SEL1L2: variants seen among roughly 807,000 people sequenced by gnomAD.
SEL1L2 encodes the protein protein sel-1 homolog 2.
In SEL1L2, 89 loss-of-function variants were observed where a neutral mutation model predicts 98.8. The ratio of observed to expected loss-of-function variants is 0.90; its 90% CI spans 0.76 to 1.07. The LOEUF is 1.07. Ranked by LOEUF, SEL1L2 falls within the 50% of genes least tolerant of loss-of-function variation. SEL1L2 has a pLI of 0.00. For missense variants in SEL1L2, 788 were observed against 812.0 expected, an observed-to-expected ratio of 0.97 and a Z score of 0.36; for synonymous variants, 262 against 278.5, an observed-to-expected ratio of 0.94 and a Z score of 0.59.
At chr20:13,898,225 T>TA (rs1292810610) in intron 5 of SEL1L2, among the ~76,000 whole-genome samples, 2 of 152,102 alleles carry the variant, frequency 1.3e-5, no homozygotes, top group Admixed American at 1.3e-4. Context: ...TAGAAGTCTA[T>TA]AAAAAGAGCA....
chr20:13,879,963 G>GTGAT (rs1224620778), intron 10 of SEL1L2, among the ~76,000 whole-genome samples: 3 of 152,120 alleles, frequency 2.0e-5, no homozygotes, highest in African/African-American at 7.2e-5. Flanking sequence ...TGATCTCACG[G>GTGAT]CACCTCATCC....
At chr20:13,882,647 T>C (rs1234914528) in intron 10 of SEL1L2, among the ~76,000 whole-genome samples, 1 of 152,160 alleles carries the variant, frequency 6.6e-6, no homozygotes, top group South Asian at 2.1e-4. Context: ...CAGCTAAGAT[T>C]AGCTGAGCCT....
At chr20:13,878,688 C>T (rs1017858489) in intron 10 of SEL1L2, among the ~76,000 whole-genome samples, 26 of 152,254 alleles carry the variant, frequency 1.7e-4, no homozygotes, top group South Asian at 1.7e-3. Flanking sequence ...AACCTCATGG[C>T]GTCATGCATC....
rs149095270 is a variant in SEL1L2 at position 13,881,107 on chromosome 20, A to G, written c.958-3519T>C. ...CAGCTCACTGTTACCTCTGCCTCCC[A>G]GATTCAAGCGATTCTCCTGCCTCAG... is the stretch of plus-strand genomic sequence containing the variant. On this transcript the variant is annotated intron_variant, in intron 10 of 19. Coordinates refer to ENST00000284951, the MANE Select transcript of SEL1L2 (RefSeq NM_025229.2). 9.6e-3 allele frequency among the ~76,000 whole-genome samples: 1,469 copies of G among 152,316 alleles called. 18 individuals are homozygous for G. Among genetic ancestry groups the G allele is most frequent in the African/African-American group, 0.034 (1,405 of 41,570 alleles).
intron 1 of SEL1L2, among the ~76,000 whole-genome samples, chr20:13,968,886 C>T (rs2051164306): frequency 1.3e-5 from 2 of 152,118 alleles, no homozygotes; most frequent in Non-Finnish European, 2.9e-5. Flanking sequence ...GTTGAAAAAA[C>T]TGTTGTATTT....
At chr20:13,914,907 T>C (rs2048338934) in intron 4 of SEL1L2, among the ~76,000 whole-genome samples, 2 of 152,142 alleles carry the variant, frequency 1.3e-5, no homozygotes, top group African/African-American at 4.8e-5. Flanking sequence ...CTGGACCTGA[T>C]TGGTATAAGA....
At chr20:13,888,080 AT>A in intron 6 of SEL1L2, 79 bp from the exon 7 acceptor site, 1 of 1,207,944 alleles carries the variant, frequency 8.3e-7, no homozygotes. Flanking sequence ...CAAGTATTCC[AT>A]TTTTATTCCT....
At chr20:13,987,309 CTGTT>C (rs2052250004) in intron 1 of SEL1L2, among the ~76,000 whole-genome samples, 2 of 76,304 alleles carry the variant, frequency 2.6e-5, no homozygotes, top group South Asian at 1.2e-3. Context: ...TGTTAATTTA[CTGTT>C]TTTTTTTTTT....
At chr20:13,956,985 A>G (rs1368990956) in intron 1 of SEL1L2, among the ~76,000 whole-genome samples, 1 of 152,224 alleles carries the variant, frequency 6.6e-6, no homozygotes, top group Non-Finnish European at 1.5e-5. Context: ...ATTTGACCAC[A>G]AACCAATATG....
intron 2 of SEL1L2, among the ~76,000 whole-genome samples, chr20:13,933,135 C>A (rs777657501): frequency 6.6e-6 from 1 of 151,854 alleles, no homozygotes; most frequent in Non-Finnish European, 1.5e-5. Flanking sequence ...CTTGAACCTG[C>A]GAGGCGGAGG....
At chr20:13,982,093 C>A (rs1300684052) in intron 1 of SEL1L2, among the ~76,000 whole-genome samples, 1 of 152,144 alleles carries the variant, frequency 6.6e-6, no homozygotes, top group Non-Finnish European at 1.5e-5. Flanking sequence ...GAGCTATGTG[C>A]CCTTTTCAAC....
chr20:13,903,139 TA>T, intron 5 of SEL1L2, among the ~76,000 whole-genome samples: 1 of 140,842 alleles, frequency 7.1e-6, no homozygotes, highest in Non-Finnish European at 1.6e-5. Context: ...AAAAAAAAGT[TA>T]AAATTCAAAT....
chr20:13,858,813 T>C (rs990149581), intron 18 of SEL1L2, among the ~76,000 whole-genome samples: 4 of 152,206 alleles, frequency 2.6e-5, no homozygotes, highest in African/African-American at 9.6e-5. Context: ...ATGTACACAG[T>C]AGGTGCTTCA....
chr20:13,939,205 G>A (rs1244045370), intron 2 of SEL1L2, among the ~76,000 whole-genome samples: 2 of 151,326 alleles, frequency 1.3e-5, no homozygotes, highest in African/African-American at 2.4e-5. Context: ...TACCATGCCC[G>A]GCTAATTTTT....
chr20:13,941,855 G>T (rs2049795580), intron 2 of SEL1L2, among the ~76,000 whole-genome samples: 1 of 152,184 alleles, frequency 6.6e-6, no homozygotes, highest in Non-Finnish European at 1.5e-5. Flanking sequence ...GGAAGTAAAA[G>T]AACTGGAAGG....
intron 2 of SEL1L2, among the ~76,000 whole-genome samples, chr20:13,944,974 G>C (rs1201404818): frequency 2.6e-5 from 4 of 152,114 alleles, no homozygotes; most frequent in Non-Finnish European, 5.9e-5. Flanking sequence ...TTAGTCTGTG[G>C]TCATGAAATT....
intron 1 of SEL1L2, among the ~76,000 whole-genome samples, chr20:13,969,386 A>G (rs909505892): frequency 2.0e-5 from 3 of 152,184 alleles, no homozygotes; most frequent in Non-Finnish European, 4.4e-5. Context: ...ATCCCCATGA[A>G]CAGGTAAAAC....
intron 5 of SEL1L2, among the ~76,000 whole-genome samples, chr20:13,905,115 C>T (rs1472561165): frequency 6.6e-6 from 1 of 152,066 alleles, no homozygotes; most frequent in Non-Finnish European, 1.5e-5. Context: ...AAATAATCAA[C>T]CCAGGGTTAC....
chr20:13,849,379 C>T lies in SEL1L2; in HGVS notation c.*106G>A, dbSNP rs116124931. ...GTCTGTTTCCCATCACAGCCCTGAGCGGGAAACTGCAGCGGACTCTTGATT... is the reference window on the plus strand; with the variant it reads ...GTCTGTTTCCCATCACAGCCCTGAGTGGGAAACTGCAGCGGACTCTTGATT... On this transcript the variant is annotated 3_prime_UTR_variant, in exon 20 of 20. Transcript: ENST00000284951. The T allele has an allele frequency of 2.4e-3, 3,313 of 1,406,502 alleles. 57 individuals carry two copies. The African/African-American group carries it at 0.036, about 15-fold the overall frequency. 87.1% of individuals were successfully genotyped at this position (1,406,502 alleles called of 1,614,324 possible).
Sources: allele counts gnomAD v4.1 joint callset (sites outside exome capture counted in the v4.1 genomes callset), GRCh38; gene constraint gnomAD v4.1.1; transcripts MANE v1.5; gene names NCBI Gene and HGNC (gene_info 2026-07-23, HGNC 2026-07-21).